The following TMEM132C variants were observed in gnomAD, a reference collection of about 807,000 sequenced individuals.
The protein encoded by TMEM132C is protein phosphatase 1, regulatory subunit 152.
Under a neutral mutation model 61.4 loss-of-function variants are expected in TMEM132C, and 29 were observed. The ratio of observed to expected loss-of-function variants is 0.47; its 90% CI spans 0.35 to 0.64. The LOEUF (loss-of-function observed/expected upper bound fraction) is 0.64, where lower values mean the gene tolerates loss of function less well. Among genes scored for constraint, TMEM132C ranks in the 30% least tolerant of loss-of-function variants. The probability of loss-of-function intolerance (pLI) is 0.00; values close to 1 mark genes in which losing one functional copy is unlikely to be tolerated. For missense variants in TMEM132C, 1,408 were observed against 1,476.9 expected, an observed-to-expected ratio of 0.95 and a Z score of 0.76; for synonymous variants, 656 against 633.1, an observed-to-expected ratio of 1.04 and a Z score of -0.54.
At chr12:128,639,287 A>G (rs892482629) in intron 4 of TMEM132C, among the ~76,000 whole-genome samples, 23 of 147,688 alleles carry the variant, frequency 1.6e-4, no homozygotes, top group African/African-American at 5.5e-4. Flanking sequence ...GATAATGACA[A>G]TGGTGATGAT....
At chr12:128,588,656 G>T (rs1875638442) in intron 3 of TMEM132C, among the ~76,000 whole-genome samples, 3 of 152,066 alleles carry the variant, frequency 2.0e-5, no homozygotes. Context: ...AGGGAGTGGG[G>T]ACTATGAAGC....
chr12:128,549,048 C>A (rs1430833140), intron 3 of TMEM132C, among the ~76,000 whole-genome samples: 4 of 152,178 alleles, frequency 2.6e-5, no homozygotes, highest in African/African-American at 9.7e-5. Context: ...TGCTCTCATG[C>A]TCCCAGGGCT....
intron 1 of TMEM132C, among the ~76,000 whole-genome samples, chr12:128,383,413 G>C (rs1290455830): frequency 2.0e-5 from 3 of 152,192 alleles, no homozygotes; most frequent in Non-Finnish European, 4.4e-5. Context: ...GTGCTAAGGA[G>C]CTCGCAGCCG....
At chr12:128,681,521 C>A (rs1663157137) in intron 5 of TMEM132C, among the ~76,000 whole-genome samples, 1 of 152,132 alleles carries the variant, frequency 6.6e-6, no homozygotes, top group Admixed American at 6.6e-5. Context: ...GATCCAGGGG[C>A]TCAAATGAAG....
chr12:128,470,283 A>T (rs529456722), intron 2 of TMEM132C, among the ~76,000 whole-genome samples: 8 of 152,286 alleles, frequency 5.3e-5, no homozygotes, highest in Admixed American at 1.3e-4. Flanking sequence ...ACGATTTCCA[A>T]CCAGTGAACT....
chr12:128,284,730 G>A (rs1871005672), intron 1 of TMEM132C, among the ~76,000 whole-genome samples: 2 of 152,198 alleles, frequency 1.3e-5, no homozygotes, highest in Admixed American at 1.3e-4. Context: ...AGTGGCTTAA[G>A]TTAATTGGAA....
chr12:128,536,670 A>C (rs1032191808), intron 2 of TMEM132C, among the ~76,000 whole-genome samples: 1 of 152,140 alleles, frequency 6.6e-6, no homozygotes, highest in East Asian at 1.9e-4. Context: ...CCTGGTAATC[A>C]CATTCATCAG....
rs570786953 is a variant in TMEM132C at position 128,495,048 on chromosome 12, G to C, written c.975-48909G>C. Among the ~76,000 whole-genome samples the C allele has an allele frequency of 2.1e-4, 27 of 128,100 alleles. 2 individuals are homozygous for C. The East Asian group carries it at 7.1e-3, about 34-fold the overall frequency. 84.0% of individuals were successfully genotyped at this position (128,100 alleles called of 152,430 possible). A position where few individuals can be genotyped will look rare whatever the true frequency, so the allele number is the denominator to read the frequency against. ...CCAGAGATTCTGGTATGTTGTCTTT[G>C]TTCTCGTTGGTTTCAAAGAACATCT... On this transcript the variant is annotated intron_variant, in intron 2 of 8. Coordinates refer to ENST00000435159, the MANE Select transcript of TMEM132C (RefSeq NM_001136103.3).
At chr12:128,602,502 A>G (rs1374893549) in intron 3 of TMEM132C, among the ~76,000 whole-genome samples, 1 of 152,156 alleles carries the variant, frequency 6.6e-6, no homozygotes, top group Non-Finnish European at 1.5e-5. Flanking sequence ...CCTGTGGGGG[A>G]AATGTTAGGT....
intron 1 of TMEM132C, among the ~76,000 whole-genome samples, chr12:128,298,745 A>C (rs981683751): frequency 2.0e-5 from 3 of 152,190 alleles, no homozygotes; most frequent in Admixed American, 1.3e-4. Context: ...TTTGATCCAC[A>C]TCTACTCATG....
At chr12:128,472,996 C>T (rs1222787765) in intron 2 of TMEM132C, among the ~76,000 whole-genome samples, 2 of 152,208 alleles carry the variant, frequency 1.3e-5, no homozygotes, top group African/African-American at 4.8e-5. Context: ...CTGTGAGACA[C>T]TACAGGGTTG....
intron 4 of TMEM132C, among the ~76,000 whole-genome samples, chr12:128,650,969 A>G (rs2135610005): frequency 6.6e-6 from 1 of 152,320 alleles, no homozygotes; most frequent in East Asian, 1.9e-4. Flanking sequence ...CAGAGGGTCC[A>G]CGTAGACCAC....
chr12:128,267,859 G>A (rs1175624685), intron 1 of TMEM132C, among the ~76,000 whole-genome samples: 2 of 152,222 alleles, frequency 1.3e-5, no homozygotes, highest in South Asian at 2.1e-4. Flanking sequence ...CTGGCATCCA[G>A]GAGAGGTGCT....
At chr12:128,346,146 A>G (rs1434508272) in intron 1 of TMEM132C, among the ~76,000 whole-genome samples, 1 of 152,078 alleles carries the variant, frequency 6.6e-6, no homozygotes, top group African/African-American at 2.4e-5. Context: ...CCTAGCACTA[A>G]TTATTGAATA....
intron 5 of TMEM132C, among the ~76,000 whole-genome samples, chr12:128,691,772 A>G (rs1265669869): frequency 6.6e-6 from 1 of 151,004 alleles, no homozygotes; most frequent in Non-Finnish European, 1.5e-5. Flanking sequence ...CTGTCCACCC[A>G]TCCATTCATG....
intron 1 of TMEM132C, among the ~76,000 whole-genome samples, chr12:128,280,341 C>T (rs1281601583): frequency 1.3e-5 from 2 of 152,154 alleles, no homozygotes; most frequent in Non-Finnish European, 2.9e-5. Context: ...AGTTGTCCTA[C>T]CCTCCCTTGT....
At chr12:128,392,403 G>GA (rs1180749511) in intron 1 of TMEM132C, among the ~76,000 whole-genome samples, 1 of 152,220 alleles carries the variant, frequency 6.6e-6, no homozygotes, top group Non-Finnish European at 1.5e-5. Flanking sequence ...ATTTGAGTGT[G>GA]AGAGAGCCTG....
At chr12:128,547,609 A>G (rs1233948746) in intron 3 of TMEM132C, among the ~76,000 whole-genome samples, 2 of 151,490 alleles carry the variant, frequency 1.3e-5, no homozygotes, top group African/African-American at 4.9e-5. Context: ...GAGCTTTTGC[A>G]TTTAGGTGAG....
At chr12:128,339,657 C>T (rs1872894683) in intron 1 of TMEM132C, among the ~76,000 whole-genome samples, 1 of 149,650 alleles carries the variant, frequency 6.7e-6, no homozygotes, top group South Asian at 2.1e-4. Context: ...CATCACTCCC[C>T]AAGTCCCAAA....
Sources: gnomAD v4.1 joint callset for allele counts (sites outside exome capture counted in the v4.1 genomes callset) on GRCh38, gnomAD v4.1.1 for gene constraint, MANE v1.5 for transcripts, NCBI Gene and HGNC (gene_info 2026-07-23, HGNC 2026-07-21) for gene names.